The following ARRB1 variants were observed in gnomAD, a reference collection of about 807,000 sequenced individuals.
ARRB1 encodes arrestin beta 1.
A neutral mutation model predicts 56.8 loss-of-function variants in ARRB1; 21 were observed. That is an observed-to-expected ratio of 0.37 (90% CI 0.26 to 0.53). The LOEUF (loss-of-function observed/expected upper bound fraction) is 0.53, where lower values mean the gene tolerates loss of function less well. Ranked by LOEUF, ARRB1 falls within the 20% of genes least tolerant of loss-of-function variation. The probability of loss-of-function intolerance (pLI) is 0.88; values close to 1 mark genes in which losing one functional copy is unlikely to be tolerated. For synonymous variants in ARRB1, 210 were observed against 218.6 expected (o/e 0.96, Z 0.35); for missense variants, 424 against 553.7 (o/e 0.77, Z 2.35).
At chr11:75,330,650 T>A (rs1182945442) in intron 1 of ARRB1, among the ~76,000 whole-genome samples, 3 of 152,190 alleles carry the variant, frequency 2.0e-5, no homozygotes, top group African/African-American at 7.2e-5. Flanking sequence ...CCAGTCTTCC[T>A]CTAAGCTGGA....
intron 1 of ARRB1, among the ~76,000 whole-genome samples, chr11:75,341,787 G>A (rs1947696454): frequency 6.6e-6 from 1 of 152,210 alleles, no homozygotes; most frequent in South Asian, 2.1e-4. Flanking sequence ...CAGTCCCAAA[G>A]ACAGGACCAA....
chr11:75,329,232 C>T (rs1947484492), intron 1 of ARRB1, among the ~76,000 whole-genome samples: 1 of 151,826 alleles, frequency 6.6e-6, no homozygotes, highest in South Asian at 2.1e-4. Flanking sequence ...GCCTGAGTAG[C>T]TGGAACTATA....
chr11:75,289,833 C>G (rs934493801), intron 2 of ARRB1, among the ~76,000 whole-genome samples, 176 bp downstream of exon 2: 6 of 152,234 alleles, frequency 3.9e-5, no homozygotes, highest in African/African-American at 1.4e-4. Context: ...GTCCCTCCCC[C>G]TTCAACTGAC....
chr11:75,325,061 G>A (rs374931825), intron 1 of ARRB1, among the ~76,000 whole-genome samples: 41 of 151,842 alleles, frequency 2.7e-4, no homozygotes, highest in African/African-American at 9.4e-4. Context: ...GGCAGAGAAC[G>A]TATGCTGGTT....
intron 1 of ARRB1, among the ~76,000 whole-genome samples, chr11:75,309,123 C>T (rs1353677151): frequency 6.6e-6 from 1 of 152,278 alleles, no homozygotes; most frequent in Non-Finnish European, 1.5e-5. Context: ...CACACAGCTC[C>T]CTGTGCTCTC....
At chr11:75,292,847 C>A (rs1946641546) in intron 1 of ARRB1, among the ~76,000 whole-genome samples, 2 of 152,152 alleles carry the variant, frequency 1.3e-5, no homozygotes, top group African/African-American at 4.8e-5. Context: ...GGATTATCAT[C>A]CTCATTTTAC....
In ARRB1 at chr11:75,278,743, T is replaced by C. The variant is rs1946256441; in HGVS notation, c.484A>G (p.Asn162Asp). The C allele has an allele frequency of 6.2e-7, 1 of 1,606,500 alleles. No homozygotes were observed. Among genetic ancestry groups the C allele is most frequent in the Non-Finnish European group, 8.5e-7 (1 of 1,175,078 alleles). Residue 162 changes from asparagine to aspartate, a missense_variant and splice_region_variant, in exon 8 of 16, where the codon AAT becomes GAT. Asn to Asp is a conservative substitution (Grantham distance 23). This residue lies in a region of ARRB1 where 301 missense variants were observed against 387.9 expected (regional missense o/e 0.78). Transcript: ENST00000420843. ...ENLEEKIHKR[N>D]SVRLVIRKVQ... The stretch of plus-strand genomic sequence containing the variant: ...TTCCGGATGACCAGACGCACAGAAT[T>C]CCTAATGGAGATGGGCGGAGTGAAA...
intron 3 of ARRB1, among the ~76,000 whole-genome samples, chr11:75,284,611 G>A (rs950511737): frequency 6.6e-6 from 1 of 152,134 alleles, no homozygotes. Flanking sequence ...GAAGTATAGA[G>A]AGGCAAAATG....
chr11:75,303,816 C>A, intron 1 of ARRB1: 1 of 406,264 alleles, frequency 2.5e-6, no homozygotes, highest in Non-Finnish European at 5.0e-6. Context: ...GGCCCCTGAG[C>A]ATCCAAACAG....
intron 1 of ARRB1, among the ~76,000 whole-genome samples, chr11:75,348,810 G>A (rs372699566): frequency 2.6e-5 from 4 of 152,094 alleles, no homozygotes; most frequent in African/African-American, 9.6e-5. Flanking sequence ...GACTGGTCTC[G>A]AACTCCTGAG....
At chr11:75,320,019 A>G (rs1159310471) in intron 1 of ARRB1, among the ~76,000 whole-genome samples, 1 of 152,172 alleles carries the variant, frequency 6.6e-6, no homozygotes, top group African/African-American at 2.4e-5. Flanking sequence ...CCGAAGCCCC[A>G]TCGGGGACAG....
intron 1 of ARRB1, among the ~76,000 whole-genome samples, chr11:75,300,542 G>T (rs1173393165): frequency 1.3e-5 from 2 of 152,154 alleles, no homozygotes; most frequent in East Asian, 3.9e-4. Context: ...AGTCAAAAAA[G>T]CCTTCAGGGC....
chr11:75,291,117 C>T (rs867237148), intron 1 of ARRB1, among the ~76,000 whole-genome samples: 2 of 152,094 alleles, frequency 1.3e-5, no homozygotes, highest in African/African-American at 4.8e-5. Flanking sequence ...TTTGGGAGGC[C>T]GAGGAGGTCA....
chr11:75,291,629 G>C (rs745373), intron 1 of ARRB1, among the ~76,000 whole-genome samples: 99,148 of 151,968 alleles, frequency 0.65, 32,744 homozygotes, highest in Middle Eastern at 0.69. Flanking sequence ...CTGCCAACAG[G>C]TAGCTCCAGG....
chr11:75,275,589 T>C (rs749803028), intron 10 of ARRB1, among the ~76,000 whole-genome samples: 2 of 152,222 alleles, frequency 1.3e-5, no homozygotes, highest in Non-Finnish European at 2.9e-5. Context: ...GGTGTTTTGA[T>C]TGTCCAATTT....
intron 1 of ARRB1, among the ~76,000 whole-genome samples, chr11:75,342,248 T>C (rs1382588464): frequency 3.3e-5 from 5 of 152,140 alleles, no homozygotes; most frequent in Non-Finnish European, 7.3e-5. Flanking sequence ...CACTTCCTGC[T>C]TCCCTCTCCG....
At chr11:75,317,688 C>T (rs931800424) in intron 1 of ARRB1, among the ~76,000 whole-genome samples, 1 of 152,362 alleles carries the variant, frequency 6.6e-6, no homozygotes, top group South Asian at 2.1e-4. Context: ...ACCGCACTGG[C>T]ACCCAGCCTC....
At chr11:75,277,992 C>G (rs1489624597) in intron 8 of ARRB1, among the ~76,000 whole-genome samples, 1 of 152,232 alleles carries the variant, frequency 6.6e-6, no homozygotes, top group East Asian at 1.9e-4. Context: ...ACAGAAGGAT[C>G]TGGAAGAAGC....
At chr11:75,303,614 GCCCCGGTGTCGGTGTTGTTT>G (rs1361948507) in intron 1 of ARRB1, 1 of 456,238 alleles carries the variant, frequency 2.2e-6, no homozygotes, top group African/African-American at 2.0e-5. Flanking sequence ...GAAGGTACAG[GCCCCGGTGTCGGTGTTGTTT>G]CCCCAGAGCA....
Sources: allele counts gnomAD v4.1 joint callset (sites outside exome capture counted in the v4.1 genomes callset), GRCh38; gene constraint gnomAD v4.1.1; regional missense constraint gnomAD v4.1.1; transcripts MANE v1.5; gene names NCBI Gene and HGNC (gene_info 2026-07-23, HGNC 2026-07-21).